Variants in MICAL3 observed in about 807,000 individuals in gnomAD.
MICAL3 encodes microtubule associated monooxygenase, calponin and LIM domain containing 3.
A neutral mutation model predicts 207.4 loss-of-function variants in MICAL3; 62 were observed. That is an observed-to-expected ratio of 0.30 (90% CI 0.24 to 0.37). MICAL3 has a LOEUF of 0.37. MICAL3 is among the 10% of genes least tolerant of loss of function. The pLI is 1.00. For synonymous variants in MICAL3, 1,077 were observed against 1,069.3 expected (o/e 1.01, Z -0.14); for missense variants, 2,368 against 2,635.6 (o/e 0.90, Z 2.22).
At chr22:17,852,655 G>A (rs1925457847) in intron 19 of MICAL3, among the ~76,000 whole-genome samples, 2 of 152,192 alleles carry the variant, frequency 1.3e-5, no homozygotes, top group Non-Finnish European at 2.9e-5. Context: ...GCCACCTGAG[G>A]CTCCTGGGTC....
At chr22:17,986,577 T>G (rs115023415) in intron 1 of MICAL3, among the ~76,000 whole-genome samples, 1 of 151,538 alleles carries the variant, frequency 6.6e-6, no homozygotes, top group Admixed American at 6.6e-5. Context: ...CCCATCTAAG[T>G]AGGCTGAAGG....
chr22:17,895,420 C>T lies in MICAL3; in HGVS notation c.1323-10G>A. 6.2e-7 allele frequency: 1 copy of T among 1,613,352 alleles called. No homozygotes were observed. The highest frequency in any genetic ancestry group is 8.5e-7 in the Non-Finnish European group (1 of 1,179,552). On this transcript the variant is annotated splice_polypyrimidine_tract_variant and intron_variant, in intron 9 of 31. Transcript: ENST00000441493. Reference sequence around the variant, plus strand: ...CCTGTAAATACTTTCCCTGCAATAACACAACAATATACTCAGAATCGGGAC... The same window carrying T: ...CCTGTAAATACTTTCCCTGCAATAATACAACAATATACTCAGAATCGGGAC...
intron 1 of MICAL3, among the ~76,000 whole-genome samples, chr22:17,995,318 A>G (rs1188851502): frequency 6.6e-6 from 1 of 151,848 alleles, no homozygotes; most frequent in Non-Finnish European, 1.5e-5. Context: ...CTGCGACTAT[A>G]GGTGTACACC....
intron 1 of MICAL3, among the ~76,000 whole-genome samples, chr22:17,976,587 A>T (rs1126226): frequency 0.2 from 15,643 of 79,168 alleles, 2,105 homozygotes; most frequent in African/African-American, 0.25. Flanking sequence ...ATATATATAT[A>T]TATTTTTTTT....
Position 17,900,781 on chromosome 22 carries a change from A to G in MICAL3, c.847+61T>C. The G allele has an allele frequency of 1.9e-5, 30 of 1,541,364 alleles. No homozygotes were observed. The highest frequency in any genetic ancestry group is 2.7e-5 in the Non-Finnish European group (30 of 1,121,140). On this transcript the variant is annotated intron_variant, in intron 6 of 31. Coordinates refer to ENST00000441493, the MANE Select transcript of MICAL3 (RefSeq NM_015241.3). This position sits in a 1 kb window ranked among gnomAD's most constrained non-coding sequence, Gnocchi z 4.0. ...CCACTCACCCCACCAATCCCCCAAG[A>G]AAAAGCCACCAGGGACTATTTAAGT... is the stretch of plus-strand genomic sequence containing the variant.
chr22:17,831,912 TTCCTCC>T lies in MICAL3; in HGVS notation c.2991_2996del (p.Glu999_Glu1000del), dbSNP rs374621205. On this transcript the variant is annotated inframe_deletion, in exon 21 of 32. Transcript: ENST00000441493. The stretch of plus-strand genomic sequence containing the variant: ...CCTCCTCCTCCTCCTCTTCATATTC[TTCCTCC>T]TCCTCCTCCTCCTCTTCATTCCCAG... 29 of 1,557,712 alleles carry T rather than the reference TTCCTCC, an allele frequency of 1.9e-5. No homozygotes were observed. Among genetic ancestry groups the T allele is most frequent in the South Asian group, 1.3e-4 (11 of 84,450 alleles).
chr22:17,984,405 T>A (rs1486213367), intron 1 of MICAL3, among the ~76,000 whole-genome samples: 3 of 152,220 alleles, frequency 2.0e-5, no homozygotes, highest in African/African-American at 7.2e-5. Flanking sequence ...CCCTGGAGAC[T>A]CGGAGAGATA....
chr22:17,817,957 C>A lies in MICAL3; in HGVS notation c.4704G>T (p.Leu1568=), dbSNP rs1360538380. The change falls in exon 26 of 32, where the codon CTG becomes CTT. Residue 1568 remains leucine, a synonymous_variant. Transcript: ENST00000441493. ...HPPLAKENGR[L]PALEGTLQPQ... is the part of the protein sequence containing the mutation. ...GCTGCAGCGTCCCCTCCAGAGCAGG[C>A]AGCCTCCCGTTCTCCTTGGCCAGGG... 1.2e-6 allele frequency: 2 copies of A among 1,612,514 alleles called. No individual in the cohort carries two copies. Among genetic ancestry groups the A allele is most frequent in the Middle Eastern group, 1.6e-4 (1 of 6,062 alleles).
chr22:17,877,216 TGGAGGTTAG>T (rs1168026383), intron 16 of MICAL3, among the ~76,000 whole-genome samples: 2 of 17,166 alleles, frequency 1.2e-4, no homozygotes, highest in Admixed American at 6.1e-4. Context: ...ATGGAGGTTA[TGGAGGTTAG>T]GGAGGTTATG....
chr22:17,857,555 A>G (rs1926072106), intron 19 of MICAL3, among the ~76,000 whole-genome samples: 2 of 152,078 alleles, frequency 1.3e-5, no homozygotes, highest in South Asian at 4.1e-4. Context: ...TAAGGAAATC[A>G]GTCACTTAAC....
At position 17,822,126 on chromosome 22, in the gene MICAL3, G is replaced by C; in HGVS notation, c.3352C>G (p.Arg1118Gly). The C allele has an allele frequency of 3.1e-6, 5 of 1,613,828 alleles. No individual in the cohort carries two copies. Among genetic ancestry groups the C allele is most frequent in the Non-Finnish European group, 4.2e-6 (5 of 1,179,894 alleles). The change falls in exon 24 of 32, where the codon CGT (arginine) becomes GGT (glycine). Residue 1118 changes from arginine (R) to glycine (G), a missense_variant. Physicochemically the swap from Arg to Gly is moderately radical, Grantham distance 125. Transcript: ENST00000441493. ...TCCCCCTCAGCTGGGCACGGCAAAC[G>C]CAGCTCTCTGTCAGCATCCGACGGG... ...DSPSDADREL[R>G]LPCPAEGEAE...
chr22:17,824,092 C>CCT (rs10668856), intron 22 of MICAL3, among the ~76,000 whole-genome samples: 23,720 of 151,968 alleles, frequency 0.16, 3,058 homozygotes, highest in African/African-American at 0.36. Flanking sequence ...ACGCACACAC[C>CCT]GTCCCCACCT....
At chr22:17,980,008 G>C (rs1935836009) in intron 1 of MICAL3, among the ~76,000 whole-genome samples, 8 of 152,054 alleles carry the variant, frequency 5.3e-5, no homozygotes, top group Admixed American at 5.2e-4. Context: ...TTTTAATTTT[G>C]TATAGAAAAG....
chr22:17,897,193 C>T (rs568319271), intron 7 of MICAL3, among the ~76,000 whole-genome samples: 101 of 152,110 alleles, frequency 6.6e-4, no homozygotes, highest in Middle Eastern at 6.8e-3. Context: ...GAGGCTGAGG[C>T]GGGCAGATCA....
intron 1 of MICAL3, among the ~76,000 whole-genome samples, chr22:17,941,006 G>A (rs140381528): frequency 6.0e-4 from 92 of 152,204 alleles, no homozygotes; most frequent in African/African-American, 8.7e-4. Context: ...CCTAGGCCAC[G>A]GGATGAACCC....
rs758198582 is a variant in MICAL3 at position 17,817,447 on chromosome 22, G to A, written c.5214C>T (p.Ser1738=). Residue 1738 remains serine, a synonymous_variant, in exon 26 of 32, where the codon TCC becomes TCT. Transcript: ENST00000441493. ...ACCCGGAGAAGACGGACTTCCACAG[G>A]GACTTGGGTTTGGCGGCGGCTTCTT... ...LLEEAAAKPK[S]LWKSVFSGYK... is the part of the protein sequence containing the mutation. 1.2e-6 allele frequency: 2 copies of A among 1,613,754 alleles called. No individual in the cohort carries two copies. The highest frequency in any genetic ancestry group is 8.5e-7 in the Non-Finnish European group (1 of 1,179,868).
chr22:17,885,040 C>A (rs776566772), intron 16 of MICAL3, among the ~76,000 whole-genome samples: 2 of 152,122 alleles, frequency 1.3e-5, no homozygotes, highest in African/African-American at 4.8e-5. Flanking sequence ...ACTTCCAGTG[C>A]GAATCTTCAA....
At chr22:18,016,152 G>A (rs1442942662) in intron 1 of MICAL3, among the ~76,000 whole-genome samples, 1 of 152,056 alleles carries the variant, frequency 6.6e-6, no homozygotes, top group African/African-American at 2.4e-5. Context: ...CAATAAATAT[G>A]GAATTTTACT....
At position 18,023,186 on chromosome 22, in the gene MICAL3, T is replaced by TA. The variant is rs5844347; in HGVS notation, c.-75+1094dup. ...AGCTCATTAGAATCACCTGGGAAGT[T>TA]AAAAAAAAAAAATCCAGTATGCACT... On this transcript the variant is annotated intron_variant, in intron 1 of 31. Transcript: ENST00000441493. Among the ~76,000 whole-genome samples, 1,132 of 150,088 alleles carry TA rather than the reference T, an allele frequency of 7.5e-3. 9 individuals carry two copies. Among genetic ancestry groups the TA allele is most frequent in the South Asian group, 0.019 (92 of 4,758 alleles).
Sources: allele counts gnomAD v4.1 joint callset (sites outside exome capture counted in the v4.1 genomes callset), GRCh38; gene constraint gnomAD v4.1.1; non-coding constraint Gnocchi (gnomAD v3.1); transcripts MANE v1.5; gene names NCBI Gene and HGNC (gene_info 2026-07-23, HGNC 2026-07-21).